The following NCEH1 variants were observed in gnomAD, a reference collection of about 807,000 sequenced individuals.
NCEH1 encodes the protein 2-acetyl MAGE hydrolase.
In NCEH1, 9 loss-of-function variants were observed where a neutral mutation model predicts 25.4. That is an observed-to-expected ratio of 0.35 (90% CI 0.21 to 0.62). The LOEUF is 0.62. Ranked by LOEUF, NCEH1 falls within the 20% of genes least tolerant of loss-of-function variation. NCEH1 has a pLI of 0.72. For missense variants in NCEH1, 412 were observed against 501.1 expected, an observed-to-expected ratio of 0.82 and a Z score of 1.70; for synonymous variants, 200 against 199.8, an observed-to-expected ratio of 1.00 and a Z score of -0.01.
rs150744020 is a variant in NCEH1 at position 172,675,745 on chromosome 3, C to T, written c.139-27631G>A. Among the ~76,000 whole-genome samples the T allele has an allele frequency of 8.1e-3, 1,237 of 152,196 alleles. 19 individuals are homozygous for T. The highest frequency in any genetic ancestry group is 0.028 in the African/African-American group (1,165 of 41,514). Reference sequence around the variant, plus strand: ...CATGCTGTTCTCAAGGAAAATGTTACTTTTATGTTAACGTTTCTGGTAATG... The same window carrying T: ...CATGCTGTTCTCAAGGAAAATGTTATTTTTATGTTAACGTTTCTGGTAATG... On this transcript the variant is annotated intron_variant, in intron 1 of 4. Transcript: ENST00000475381.
intron 1 of NCEH1, among the ~76,000 whole-genome samples, chr3:172,649,273 G>A (rs1201775127): frequency 1.3e-5 from 2 of 151,882 alleles, no homozygotes; most frequent in African/African-American, 2.4e-5. Flanking sequence ...TATATGTCCT[G>A]TCCTGTCATG....
intron 1 of NCEH1, among the ~76,000 whole-genome samples, chr3:172,653,765 T>TTTTTTTTTTG (rs1560186641): frequency 1.6e-4 from 21 of 134,332 alleles, no homozygotes; most frequent in East Asian, 4.4e-4. Context: ...TTTTTGTTTT[T>TTTTTTTTTTG]TTTTTTTTTT....
chr3:172,664,794 G>GT (rs1560191899), intron 1 of NCEH1, among the ~76,000 whole-genome samples: 1 of 152,116 alleles, frequency 6.6e-6, no homozygotes, highest in Non-Finnish European at 1.5e-5. Flanking sequence ...TCGTGCCATG[G>GT]TTTTCAGCTC....
intron 1 of NCEH1, among the ~76,000 whole-genome samples, chr3:172,694,378 ATG>A (rs369794698): frequency 3.3e-5 from 5 of 151,346 alleles, no homozygotes; most frequent in Admixed American, 2.6e-4. Context: ...AGTTATATAT[ATG>A]TGTGTGTGTG....
chr3:172,653,263 C>T (rs1308551472), intron 1 of NCEH1, among the ~76,000 whole-genome samples: 1 of 152,094 alleles, frequency 6.6e-6, no homozygotes, highest in Non-Finnish European at 1.5e-5. Context: ...CACTGGCTCC[C>T]TACCCAGGTC....
intron 1 of NCEH1, among the ~76,000 whole-genome samples, chr3:172,699,256 G>A (rs979838953): frequency 6.6e-6 from 1 of 152,180 alleles, no homozygotes; most frequent in Admixed American, 6.5e-5. Context: ...GGGACAACAG[G>A]AGAAGCGTAA....
intron 1 of NCEH1, among the ~76,000 whole-genome samples, chr3:172,673,193 T>C (rs1320800193): frequency 6.6e-6 from 1 of 152,210 alleles, no homozygotes; most frequent in Non-Finnish European, 1.5e-5. Flanking sequence ...ACCTTAGTTG[T>C]GGTTAGGAGG....
chr3:172,681,736 C>CCA (rs1712390204), intron 1 of NCEH1, among the ~76,000 whole-genome samples: 1 of 103,900 alleles, frequency 9.6e-6, no homozygotes, highest in Non-Finnish European at 2.0e-5. Context: ...GTAAAAATAC[C>CCA]AAAAAAAAAA....
intron 3 of NCEH1, among the ~76,000 whole-genome samples, chr3:172,637,686 C>T (rs545913535): frequency 5.9e-4 from 90 of 152,194 alleles, no homozygotes; most frequent in African/African-American, 2.0e-3. Context: ...GTCAGGAGTT[C>T]GAGACCAGCC....
chr3:172,708,476 C>T (rs1714127983), intron 1 of NCEH1, among the ~76,000 whole-genome samples: 1 of 152,222 alleles, frequency 6.6e-6, no homozygotes, highest in South Asian at 2.1e-4. Flanking sequence ...CTGCCTCAGC[C>T]TCCCAAGTAG....
At chr3:172,696,406 C>G (rs1350837757) in intron 1 of NCEH1, among the ~76,000 whole-genome samples, 1 of 152,182 alleles carries the variant, frequency 6.6e-6, no homozygotes, top group Non-Finnish European at 1.5e-5. Context: ...GTGTAGACAA[C>G]TGACAAAAAT....
chr3:172,691,628 G>A (rs1290963025), intron 1 of NCEH1, among the ~76,000 whole-genome samples: 3 of 152,294 alleles, frequency 2.0e-5, no homozygotes, highest in Admixed American at 1.3e-4. Context: ...CCAGTGACAG[G>A]AAGAACTGGC....
intron 1 of NCEH1, among the ~76,000 whole-genome samples, chr3:172,690,061 G>T (rs1025548866): frequency 1.3e-5 from 2 of 151,558 alleles, no homozygotes; most frequent in Admixed American, 1.3e-4. Flanking sequence ...CCGCCACCAT[G>T]CCCGGCTAAT....
At chr3:172,674,563 G>T (rs1277338540) in intron 1 of NCEH1, among the ~76,000 whole-genome samples, 1 of 135,622 alleles carries the variant, frequency 7.4e-6, no homozygotes, top group Non-Finnish European at 1.5e-5. Context: ...CCAAATAGTA[G>T]AACTTCTTTT....
chr3:172,673,839 C>T (rs934912234), intron 1 of NCEH1, among the ~76,000 whole-genome samples: 5 of 152,160 alleles, frequency 3.3e-5, no homozygotes, highest in African/African-American at 7.2e-5. Context: ...ACTTCTCAGC[C>T]GCATACTTTT....
chr3:172,653,715 T>TTTG (rs200461753), intron 1 of NCEH1, among the ~76,000 whole-genome samples: 12 of 107,896 alleles, frequency 1.1e-4, no homozygotes, highest in African/African-American at 3.2e-4. Context: ...GTGGTTTGTT[T>TTTG]TTGTTGTTGT....
intron 1 of NCEH1, among the ~76,000 whole-genome samples, chr3:172,702,524 T>G (rs1713753412): frequency 6.6e-6 from 1 of 152,226 alleles, no homozygotes; most frequent in Admixed American, 6.5e-5. Flanking sequence ...CAAGATTAGG[T>G]ATCTGCCTTA....
At chr3:172,639,775 T>C (rs1716765374) in intron 3 of NCEH1, among the ~76,000 whole-genome samples, 1 of 152,196 alleles carries the variant, frequency 6.6e-6, no homozygotes, top group African/African-American at 2.4e-5. Context: ...TTGGTGTAAA[T>C]TCAGGCATGA....
intron 1 of NCEH1, among the ~76,000 whole-genome samples, chr3:172,697,223 C>A (rs1385919881): frequency 2.0e-5 from 3 of 152,112 alleles, no homozygotes. Flanking sequence ...GCCACAGCAC[C>A]CGGCCAATAT....
Sources: gnomAD v4.1 joint callset for allele counts (sites outside exome capture counted in the v4.1 genomes callset) on GRCh38, gnomAD v4.1.1 for gene constraint, MANE v1.5 for transcripts, NCBI Gene and HGNC (gene_info 2026-07-23, HGNC 2026-07-21) for gene names.